NDUFAF6: variants seen among roughly 807,000 people sequenced by gnomAD.
NDUFAF6 encodes NADH:ubiquinone oxidoreductase complex assembly factor 6, also known as NADH dehydrogenase (ubiquinone) complex I, assembly factor 6.
Under a neutral mutation model 40.8 loss-of-function variants are expected in NDUFAF6, and 45 were observed. That is an observed-to-expected ratio of 1.10 (90% CI 0.87 to 1.42). The LOEUF is 1.42. Ranked by LOEUF, NDUFAF6 falls within the 40% of genes most tolerant of loss-of-function variation. The pLI is 0.00. For missense variants in NDUFAF6, 435 were observed against 418.5 expected (o/e 1.04, Z -0.34); for synonymous variants, 185 against 155.9 (o/e 1.19, Z -1.39).
At chr8:95,036,553 G>A in intron 3 of NDUFAF6, 1 of 1,226,172 alleles carries the variant, frequency 8.2e-7, no homozygotes. Flanking sequence ...CTCAACCTAG[G>A]TGACTCACTA....
intron 4 of NDUFAF6, among the ~76,000 whole-genome samples, chr8:95,044,124 C>T (rs945347574): frequency 6.6e-6 from 1 of 152,036 alleles, no homozygotes; most frequent in African/African-American, 2.4e-5. Flanking sequence ...AAGCCAGATA[C>T]AAAAAGCTAC....
At chr8:95,098,611 A>G (rs768859548), upstream of NDUFAF6, among the ~76,000 whole-genome samples, 51 of 152,250 alleles carry the variant, frequency 3.3e-4, no homozygotes, top group Non-Finnish European at 1.0e-4. Context: ...CGGAGGTTGC[A>G]GTGAGCCGAG....
At chr8:95,015,416 A>G (rs1403123448) in intron 2 of NDUFAF6, among the ~76,000 whole-genome samples, 3 of 152,246 alleles carry the variant, frequency 2.0e-5, no homozygotes, top group African/African-American at 7.2e-5. Context: ...ATGGAACAAA[A>G]TATGACATAA....
chr8:94,978,070 C>T (rs1049883547), intron 1 of NDUFAF6, among the ~76,000 whole-genome samples: 44 of 152,080 alleles, frequency 2.9e-4, no homozygotes, highest in Admixed American at 2.0e-3. Context: ...CTAGAAGAGT[C>T]CTTTGTTCTA....
chr8:95,061,758 C>G (rs532052026), downstream of NDUFAF6, among the ~76,000 whole-genome samples: 1 of 152,020 alleles, frequency 6.6e-6, no homozygotes, highest in South Asian at 2.1e-4. Context: ...GAATATTTGG[C>G]ACAATAAATT....
chr8:95,045,649 T>TATAAAGGATCTTCATGCAGATCATGCTGC lies in NDUFAF6; in HGVS notation c.580+3_580+4insTAAAGGATCTTCATGCAGATCATGCTGCA, dbSNP rs2131887782. On this transcript the variant is annotated splice_region_variant and intron_variant, in intron 5 of 8. Coordinates refer to ENST00000396124, the MANE Select transcript of NDUFAF6 (RefSeq NM_152416.4). ...TTTACTTAACACTAGAAATATTGGG[T>TATAAAGGATCTTCATGCAGATCATGCTGC]AAGTTGTTTTTCTGTTTCATACTTC... The TATAAAGGATCTTCATGCAGATCATGCTGC allele has an allele frequency of 1.2e-6, 2 of 1,606,728 alleles. No individual in the cohort carries two copies. Among genetic ancestry groups the TATAAAGGATCTTCATGCAGATCATGCTGC allele is most frequent in the African/African-American group, 1.3e-5 (1 of 74,912 alleles).
chr8:94,909,348 C>CAAAAAAAAAAAAA lies in NDUFAF6; in HGVS notation c.-936+13443_-936+13455dup, dbSNP rs556065794. Among the ~76,000 whole-genome samples the CAAAAAAAAAAAAA allele has an allele frequency of 2.0e-4, 18 of 91,904 alleles. 1 individual carries two copies. The highest frequency in any genetic ancestry group is 3.4e-4 in the South Asian group (1 of 2,910). The allele number at this position is 91,904 out of a possible 152,430, so 60.3% of individuals were successfully genotyped here. On this transcript the variant is annotated intron_variant, in intron 1 of 14. Transcript: ENST00000396113. The stretch of plus-strand genomic sequence containing the variant: ...TGGACGACAGAGGGAGACTCCGTCT[C>CAAAAAAAAAAAAA]AAAAAAAAAAAAAAAAAAAAAAAAA...
intron 1 of NDUFAF6, chr8:94,930,606 C>G: frequency 6.2e-7 from 1 of 1,614,234 alleles, no homozygotes; most frequent in East Asian, 2.2e-5. Flanking sequence ...CTGTCTTTCA[C>G]TGTGTTCTTT....
intron 2 of NDUFAF6, among the ~76,000 whole-genome samples, chr8:95,006,355 C>CAA (rs58530398): frequency 2.7e-5 from 2 of 74,962 alleles, no homozygotes; most frequent in African/African-American, 9.7e-5. Context: ...GACTCCGTCT[C>CAA]AAAAAAAAAA....
At chr8:94,921,017 T>G (rs1819463263) in intron 1 of NDUFAF6, among the ~76,000 whole-genome samples, 1 of 152,202 alleles carries the variant, frequency 6.6e-6, no homozygotes, top group Non-Finnish European at 1.5e-5. Flanking sequence ...AAAAAGCTCT[T>G]AAAGTCCTCT....
intron 1 of NDUFAF6, chr8:94,932,069 C>T (rs1820463707): frequency 6.2e-7 from 1 of 1,609,790 alleles, no homozygotes; most frequent in South Asian, 1.1e-5. Context: ...AATATACTTA[C>T]TCTGTGCCCG....
intron 4 of NDUFAF6, among the ~76,000 whole-genome samples, chr8:95,043,351 A>G (rs892419014): frequency 3.3e-5 from 5 of 151,990 alleles, no homozygotes; most frequent in Non-Finnish European, 7.4e-5. Context: ...AGCCTCCCGA[A>G]GTGCTGGGAT....
downstream of NDUFAF6, among the ~76,000 whole-genome samples, chr8:95,118,256 AG>A (rs1810174159): frequency 6.6e-6 from 1 of 152,210 alleles, no homozygotes; most frequent in Non-Finnish European, 1.5e-5. Flanking sequence ...GGATTCAAAA[AG>A]CTTCTTACAA....
At chr8:95,099,382 GC>G (rs1417418410), upstream of NDUFAF6, among the ~76,000 whole-genome samples, 2 of 151,246 alleles carry the variant, frequency 1.3e-5, no homozygotes, top group African/African-American at 4.9e-5. Flanking sequence ...TCTCATCTGT[GC>G]CTTCCTCCAT....
At chr8:94,968,788 G>C (rs777213242) in intron 1 of NDUFAF6, among the ~76,000 whole-genome samples, 17 of 152,194 alleles carry the variant, frequency 1.1e-4, no homozygotes, top group Non-Finnish European at 2.1e-4. Flanking sequence ...CTACTGCAGT[G>C]GCCCAGGGGA....
At chr8:94,990,523 CA>C (rs972615827) in intron 2 of NDUFAF6, among the ~76,000 whole-genome samples, 22 of 149,084 alleles carry the variant, frequency 1.5e-4, no homozygotes, top group Admixed American at 1.2e-3. Context: ...TAAACCTTTC[CA>C]AAAAAAAAAT....
At chr8:94,931,609 C>CACACACACACAT (rs146282014) in intron 1 of NDUFAF6, among the ~76,000 whole-genome samples, 21 of 151,680 alleles carry the variant, frequency 1.4e-4, no homozygotes, top group African/African-American at 5.1e-4. Flanking sequence ...CACACACACA[C>CACACACACACAT]ATAAAATTTT....
At chr8:95,064,597 C>T (rs929390203) in intron 9 of NDUFAF6, among the ~76,000 whole-genome samples, 32 of 152,070 alleles carry the variant, frequency 2.1e-4, no homozygotes, top group African/African-American at 7.7e-4. Context: ...TGGCTCATAA[C>T]TCCCATAGCC....
chr8:94,933,384 AGAAG>A (rs1820621014), intron 1 of NDUFAF6, among the ~76,000 whole-genome samples: 2 of 150,204 alleles, frequency 1.3e-5, no homozygotes, highest in Middle Eastern at 3.4e-3. Flanking sequence ...ACCTTGAAAA[AGAAG>A]GAAGGAAGAA....
Sources: allele counts gnomAD v4.1 joint callset (sites outside exome capture counted in the v4.1 genomes callset), GRCh38; gene constraint gnomAD v4.1.1; transcripts MANE v1.5; gene names NCBI Gene and HGNC (gene_info 2026-07-23, HGNC 2026-07-21).